The following CAMK1D variants were observed in gnomAD, a reference collection of about 807,000 sequenced individuals.
CAMK1D encodes the protein calcium/calmodulin-dependent protein kinase type 1D.
Under a neutral mutation model 47.7 loss-of-function variants are expected in CAMK1D, and 9 were observed. The observed-to-expected ratio is 0.19, with a 90% confidence interval of 0.11 to 0.33. CAMK1D has a LOEUF of 0.33. Among genes scored for constraint, CAMK1D ranks in the 10% least tolerant of loss-of-function variants. The pLI is 1.00. For synonymous variants in CAMK1D, 184 were observed against 184.9 expected (o/e 0.99, Z 0.04); for missense variants, 291 against 488.7 (o/e 0.60, Z 3.81).
chr10:12,389,457 C>T (rs1280224783), intron 1 of CAMK1D, among the ~76,000 whole-genome samples: 1 of 152,166 alleles, frequency 6.6e-6, no homozygotes, highest in Non-Finnish European at 1.5e-5. Flanking sequence ...TTCTGCCCAG[C>T]ACCACAGGGT....
chr10:12,574,936 C>T (rs1418490743), intron 2 of CAMK1D, among the ~76,000 whole-genome samples: 1 of 152,102 alleles, frequency 6.6e-6, no homozygotes, highest in Non-Finnish European at 1.5e-5. Flanking sequence ...GAGAACAACA[C>T]CAGTGGCATG....
At chr10:12,522,892 G>A (rs1432182237) in intron 1 of CAMK1D, among the ~76,000 whole-genome samples, 3 of 87,814 alleles carry the variant, frequency 3.4e-5, no homozygotes, top group African/African-American at 9.7e-5. Context: ...CCTCCCTCCC[G>A]GACGGGGCGG....
intron 3 of CAMK1D, among the ~76,000 whole-genome samples, chr10:12,697,791 G>C (rs1029123933): frequency 6.6e-6 from 1 of 152,158 alleles, no homozygotes; most frequent in Non-Finnish European, 1.5e-5. Context: ...CCGAACCTCT[G>C]CCGTCAGTCT....
chr10:12,469,337 A>G (rs1046269924), intron 1 of CAMK1D, among the ~76,000 whole-genome samples: 10 of 119,612 alleles, frequency 8.4e-5, no homozygotes, highest in African/African-American at 2.6e-4. Flanking sequence ...TTCATATAGA[A>G]TTAGAAAATA....
intron 1 of CAMK1D, among the ~76,000 whole-genome samples, chr10:12,427,167 G>A (rs1204121810): frequency 6.6e-6 from 1 of 152,208 alleles, no homozygotes; most frequent in African/African-American, 2.4e-5. Flanking sequence ...TGGCATTTCA[G>A]ATGGAGCCCC....
chr10:12,425,808 G>A (rs1157091104), intron 1 of CAMK1D, among the ~76,000 whole-genome samples: 2 of 152,168 alleles, frequency 1.3e-5, no homozygotes, highest in Non-Finnish European at 2.9e-5. Flanking sequence ...GACAGAAGTG[G>A]GATTCCTCCC....
chr10:12,745,884 A>G (rs1433371163), intron 3 of CAMK1D, among the ~76,000 whole-genome samples: 4 of 152,142 alleles, frequency 2.6e-5, no homozygotes, highest in African/African-American at 9.7e-5. Context: ...GATTACAGGC[A>G]TGAGCTACTT....
At position 12,831,011 on chromosome 10, in the gene CAMK1D, G is replaced by GT. The variant is rs1833410702; in HGVS notation, c.*2125dup. 2 of 152,062 alleles carry GT rather than the reference G, an allele frequency of 1.3e-5. No homozygotes were observed. The highest frequency in any genetic ancestry group is 4.9e-5 in the African/African-American group (2 of 40,880). 9.4% of individuals were successfully genotyped at this position (152,062 alleles called of 1,614,324 possible). On this transcript the variant is annotated 3_prime_UTR_variant, in exon 11 of 11. Transcript: ENST00000619168. ...TCCATCCTGCTCCCTGAGAATGGCA[G>GT]TGCAGGCACAGAGAAGAGCAGTTGG...
At chr10:12,749,558 G>GTT (rs1340222495) in intron 3 of CAMK1D, among the ~76,000 whole-genome samples, 15 of 136,196 alleles carry the variant, frequency 1.1e-4, no homozygotes, top group Admixed American at 2.9e-4. Context: ...TTTTTTGTTT[G>GTT]TTTGTTTGTT....
At chr10:12,733,725 G>A (rs538229273) in intron 3 of CAMK1D, among the ~76,000 whole-genome samples, 11 of 152,228 alleles carry the variant, frequency 7.2e-5, no homozygotes, top group South Asian at 2.1e-4. Flanking sequence ...TTGAATGACA[G>A]GGCGTGTTAG....
intron 3 of CAMK1D, among the ~76,000 whole-genome samples, chr10:12,681,277 GC>G (rs1232694482): frequency 1.3e-5 from 2 of 152,202 alleles, no homozygotes; most frequent in Non-Finnish European, 2.9e-5. Flanking sequence ...TTATTTTGAT[GC>G]TTGTTCTCTG....
At chr10:12,727,739 T>C (rs1315784800) in intron 3 of CAMK1D, among the ~76,000 whole-genome samples, 1 of 150,930 alleles carries the variant, frequency 6.6e-6, no homozygotes, top group African/African-American at 2.4e-5. Flanking sequence ...ATGTTTCACA[T>C]GTGTCAGGCT....
At chr10:12,785,911 A>G (rs1837704823) in intron 5 of CAMK1D, among the ~76,000 whole-genome samples, 1 of 152,240 alleles carries the variant, frequency 6.6e-6, no homozygotes, top group Admixed American at 6.5e-5. Flanking sequence ...ACTCCCGATC[A>G]CAGGAGGCGA....
chr10:12,440,981 A>G (rs1189950092), intron 1 of CAMK1D, among the ~76,000 whole-genome samples: 1 of 152,172 alleles, frequency 6.6e-6, no homozygotes, highest in Non-Finnish European at 1.5e-5. Flanking sequence ...CGGTCATAAG[A>G]CCCTCATTCC....
chr10:12,373,320 A>G (rs1399594459), intron 1 of CAMK1D, among the ~76,000 whole-genome samples: 2 of 149,268 alleles, frequency 1.3e-5, no homozygotes, highest in Non-Finnish European at 3.0e-5. Context: ...CTCAATAAAA[A>G]AGAAAAAAGA....
intron 3 of CAMK1D, among the ~76,000 whole-genome samples, chr10:12,710,944 TA>T (rs1190853124): frequency 6.6e-6 from 1 of 152,238 alleles, no homozygotes; most frequent in Non-Finnish European, 1.5e-5. Context: ...TCAGACTATA[TA>T]CCATGGATCT....
intron 2 of CAMK1D, among the ~76,000 whole-genome samples, chr10:12,643,005 G>T (rs995933911): frequency 6.6e-6 from 1 of 152,024 alleles, no homozygotes; most frequent in African/African-American, 2.4e-5. Flanking sequence ...GTTTGTTGTT[G>T]TTGTTTGTTT....
rs931733480 is a variant in CAMK1D at position 12,453,095 on chromosome 10, C to T, written c.93-100130C>T. On this transcript the variant is annotated intron_variant, in intron 1 of 10. Coordinates refer to ENST00000619168, the MANE Select transcript of CAMK1D (RefSeq NM_153498.4). ...TCTAGGGGCCTTGTTGAAGTGGATT[C>T]GTCAATATTTGCCTTTTTATGACTG... Among the ~76,000 whole-genome samples the T allele has an allele frequency of 3.3e-5, 5 of 152,108 alleles. No individual in the cohort carries two copies. The East Asian group carries it at 5.8e-4, about 18-fold the overall frequency.
intron 10 of CAMK1D, among the ~76,000 whole-genome samples, chr10:12,826,548 G>A (rs1833215444): frequency 6.6e-6 from 1 of 152,102 alleles, no homozygotes; most frequent in Non-Finnish European, 1.5e-5. Context: ...CTCTCTCTGT[G>A]GAAATAATCC....
Sources: gnomAD v4.1 joint callset for allele counts (sites outside exome capture counted in the v4.1 genomes callset) on GRCh38, gnomAD v4.1.1 for gene constraint, MANE v1.5 for transcripts, NCBI Gene and HGNC (gene_info 2026-07-23, HGNC 2026-07-21) for gene names.